The following PLSCR4 variants were observed in gnomAD, a reference collection of about 807,000 sequenced individuals.
PLSCR4 encodes phospholipid scramblase 4.
Under a neutral mutation model 36.3 loss-of-function variants are expected in PLSCR4, and 25 were observed. The observed-to-expected ratio is 0.69, with a 90% CI of 0.50 to 0.96. PLSCR4 has a LOEUF of 0.96. PLSCR4 is among the 40% of genes least tolerant of loss of function. The pLI is 0.00. For synonymous variants in PLSCR4, 122 were observed against 132.9 expected, an observed-to-expected ratio of 0.92 and a Z score of 0.56; for missense variants, 408 against 414.7, an observed-to-expected ratio of 0.98 and a Z score of 0.14.
chr3:146,200,574 C>A (rs1366167836), intron 5 of PLSCR4, among the ~76,000 whole-genome samples: 1 of 152,070 alleles, frequency 6.6e-6, no homozygotes, highest in Non-Finnish European at 1.5e-5. Context: ...TTTCTTCTTA[C>A]TTCCAAAGCG....
chr3:146,214,366 G>A lies in PLSCR4; in HGVS notation c.118+6449C>T, dbSNP rs1463509178. Among the ~76,000 whole-genome samples, 5 of 9,800 alleles carry A rather than the reference G, an allele frequency of 5.1e-4. 2 individuals carry two copies. The South Asian group carries it at 0.015, about 30-fold the overall frequency. The allele number at this position is 9,800 out of a possible 152,430, so 6.4% of individuals were successfully genotyped here. A position where few individuals can be genotyped will look rare whatever the true frequency, so the allele number is the denominator to read the frequency against. On this transcript the variant is annotated intron_variant, in intron 3 of 8. Transcript: ENST00000354952. Reference sequence around the variant, plus strand: ...TCTCGATCTCCTGACCTCGTGATCCGCCCGCCTTGGCCTCCCAAAGTGCTG... The same window carrying A: ...TCTCGATCTCCTGACCTCGTGATCCACCCGCCTTGGCCTCCCAAAGTGCTG...
At chr3:146,230,731 G>A (rs60980504) in intron 1 of PLSCR4, among the ~76,000 whole-genome samples, 2,565 of 152,166 alleles carry the variant, frequency 0.017, 77 homozygotes, top group African/African-American at 0.058. Flanking sequence ...GCAGTAAAAG[G>A]GTAAACAGTT....
intron 3 of PLSCR4, among the ~76,000 whole-genome samples, chr3:146,218,080 G>C (rs903775050): frequency 6.6e-6 from 1 of 151,984 alleles, no homozygotes; most frequent in Non-Finnish European, 1.5e-5. Context: ...ACAGTAAGCA[G>C]ACTAAAGGGA....
chr3:146,245,743 AAAT>A (rs1339060636), intron 1 of PLSCR4, among the ~76,000 whole-genome samples: 1 of 10,420 alleles, frequency 9.6e-5, no homozygotes, highest in African/African-American at 1.4e-4. Flanking sequence ...TTTCTACAAT[AAAT>A]GTATAATAAA....
chr3:146,219,280 C>G (rs929151599), intron 3 of PLSCR4, among the ~76,000 whole-genome samples: 16 of 152,008 alleles, frequency 1.1e-4, no homozygotes, highest in African/African-American at 3.9e-4. Flanking sequence ...GATGTATAAC[C>G]AAGGTTTTTC....
chr3:146,218,491 A>T (rs2034992197), intron 3 of PLSCR4, among the ~76,000 whole-genome samples: 1 of 151,570 alleles, frequency 6.6e-6, no homozygotes, highest in African/African-American at 2.4e-5. Context: ...ATTTTTTAAA[A>T]TTAAATTTAT....
At position 146,194,503 on chromosome 3, in the gene PLSCR4, T is replaced by A. The variant is rs762663588; in HGVS notation, c.946-48A>T. The A allele has an allele frequency of 1.1e-5, 12 of 1,125,198 alleles. No homozygotes were observed. The East Asian group carries it at 1.9e-4, about 18-fold the overall frequency. 69.7% of individuals were successfully genotyped at this position (1,125,198 alleles called of 1,614,324 possible). ...ATGTAGATATATAGATAATTAGGTATAATGCATGCGGTATTATCCTTTGTA... is the reference window on the plus strand; with the variant it reads ...ATGTAGATATATAGATAATTAGGTAAAATGCATGCGGTATTATCCTTTGTA... On this transcript the variant is annotated intron_variant, in intron 8 of 8. Transcript: ENST00000354952.
chr3:146,218,814 GT>G (rs1009752187), intron 3 of PLSCR4, among the ~76,000 whole-genome samples: 4 of 152,110 alleles, frequency 2.6e-5, no homozygotes, highest in African/African-American at 9.7e-5. Context: ...TAGGATTTGA[GT>G]TTTTTTAGTT....
intron 4 of PLSCR4, among the ~76,000 whole-genome samples, chr3:146,203,149 C>T (rs2034133897): frequency 6.6e-6 from 1 of 151,976 alleles, no homozygotes; most frequent in African/African-American, 2.4e-5. Flanking sequence ...ATTTATTTTG[C>T]CCAGATCTGT....
At chr3:146,205,319 A>G (rs1197071602) in intron 4 of PLSCR4, among the ~76,000 whole-genome samples, 3 of 151,936 alleles carry the variant, frequency 2.0e-5, no homozygotes, top group African/African-American at 7.2e-5. Context: ...ACTATGCACA[A>G]ATTTTTCTTT....
At position 146,221,674 on chromosome 3, in the gene PLSCR4, T is replaced by A. The variant is rs191288141; in HGVS notation, c.7+391A>T. The stretch of plus-strand genomic sequence containing the variant: ...GTGGTTTTTCTCTCTTTATGTAAGT[T>A]ACTAGAAAATACAAGGCCTACTTTC... On this transcript the variant is annotated intron_variant, in intron 2 of 8. Coordinates refer to ENST00000354952, the MANE Select transcript of PLSCR4 (RefSeq NM_020353.3). 2.0e-5 allele frequency among the ~76,000 whole-genome samples: 3 copies of A among 152,310 alleles called. No individual in the cohort carries two copies. In the East Asian group the frequency reaches 5.8e-4, roughly 29 times the overall value.
chr3:146,209,057 T>C (rs2034488600), intron 3 of PLSCR4, among the ~76,000 whole-genome samples: 1 of 151,968 alleles, frequency 6.6e-6, no homozygotes, highest in South Asian at 2.1e-4. Context: ...TACATATATA[T>C]ATGATGGAAT....
intron 7 of PLSCR4, chr3:146,196,257 A>C (rs1258608541): frequency 4.9e-6 from 1 of 202,380 alleles, no homozygotes; most frequent in African/African-American, 2.3e-5. Flanking sequence ...GTTCTGTGAC[A>C]TGTTGGGCAC....
At chr3:146,200,770 G>C (rs1434714625) in intron 5 of PLSCR4, among the ~76,000 whole-genome samples, 1 of 152,012 alleles carries the variant, frequency 6.6e-6, no homozygotes, top group Non-Finnish European at 1.5e-5. Flanking sequence ...TGTGGAGTAG[G>C]AACAATGGGT....
chr3:146,198,568 T>TTTTTTTA (rs2033872393), intron 6 of PLSCR4, among the ~76,000 whole-genome samples: 1 of 152,022 alleles, frequency 6.6e-6, no homozygotes, highest in African/African-American at 2.4e-5. Flanking sequence ...GCCTGGCTAA[T>TTTTTTTA]TTTTTTATTT....
intron 1 of PLSCR4, among the ~76,000 whole-genome samples, chr3:146,249,947 C>T (rs1210808178): frequency 6.6e-6 from 1 of 152,074 alleles, no homozygotes; most frequent in African/African-American, 2.4e-5. Flanking sequence ...CATCAACTGA[C>T]TTCTATAAAT....
At chr3:146,195,053 A>G in intron 8 of PLSCR4, 71 bp downstream of exon 8, 3 of 1,364,250 alleles carry the variant, frequency 2.2e-6, no homozygotes, top group Non-Finnish European at 3.1e-6. Context: ...CTTATTCTTT[A>G]TACTACACTA....
At chr3:146,207,511 C>T (rs1300957094) in intron 3 of PLSCR4, among the ~76,000 whole-genome samples, 4 of 151,970 alleles carry the variant, frequency 2.6e-5, no homozygotes, top group Non-Finnish European at 5.9e-5. Context: ...AGATGTTCAC[C>T]TTCTTGCTAT....
At chr3:146,201,897 T>C (rs940735609) in intron 4 of PLSCR4, among the ~76,000 whole-genome samples, 2 of 152,072 alleles carry the variant, frequency 1.3e-5, no homozygotes, top group African/African-American at 4.8e-5. Flanking sequence ...ATTATATTTG[T>C]ATAATTTTAC....
Sources: allele counts gnomAD v4.1 joint callset (sites outside exome capture counted in the v4.1 genomes callset), GRCh38; gene constraint gnomAD v4.1.1; transcripts MANE v1.5; gene names NCBI Gene and HGNC (gene_info 2026-07-23, HGNC 2026-07-21).